Variants in PRR14L observed in about 807,000 individuals in gnomAD.
PRR14L encodes protein PRR14L.
A neutral mutation model predicts 155.0 loss-of-function variants in PRR14L; 80 were observed. The observed-to-expected ratio is 0.52, with a 90% confidence interval of 0.43 to 0.62. The LOEUF (loss-of-function observed/expected upper bound fraction) is 0.62. Among genes scored for constraint, PRR14L ranks in the 20% least tolerant of loss-of-function variants. The probability of loss-of-function intolerance (pLI) is 0.00; values close to 1 mark genes in which losing one functional copy is unlikely to be tolerated. For missense variants in PRR14L, 2,469 were observed against 2,548.0 expected (o/e 0.97, Z 0.67); for synonymous variants, 883 against 916.0 (o/e 0.96, Z 0.65).
At chr22:31,736,073 G>T (rs1365461009) in intron 2 of PRR14L, among the ~76,000 whole-genome samples, 1 of 137,902 alleles carries the variant, frequency 7.3e-6, no homozygotes, top group African/African-American at 2.8e-5. Flanking sequence ...AAAAAAATTA[G>T]CCAAGTGTGG....
intron 4 of PRR14L, among the ~76,000 whole-genome samples, chr22:31,710,531 C>A (rs894265597): frequency 6.6e-6 from 1 of 151,410 alleles, no homozygotes; most frequent in African/African-American, 2.4e-5. Context: ...CGGCTCACTG[C>A]AAGTTCTGCC....
chr22:31,709,533 GTTTTT>G (rs35320368), intron 4 of PRR14L, among the ~76,000 whole-genome samples: 9 of 88,600 alleles, frequency 1.0e-4, no homozygotes, highest in South Asian at 7.8e-4. Flanking sequence ...CGCCTGTGGG[GTTTTT>G]TTTTTTTTTT....
Position 31,685,450 on chromosome 22 carries a change from C to CAAAAAAAAAAAAAAACCCAAAAAAA in PRR14L, c.*76_*77insTTTTTTTGGGTTTTTTTTTTTTTTT. The CAAAAAAAAAAAAAAACCCAAAAAAA allele has an allele frequency of 2.7e-6, 3 of 1,105,832 alleles. No individual in the cohort carries two copies. The highest frequency in any genetic ancestry group is 2.5e-6 in the Non-Finnish European group (2 of 816,318). 68.5% of individuals were successfully genotyped at this position (1,105,832 alleles called of 1,614,324 possible). A position where few individuals can be genotyped will look rare whatever the true frequency, so the allele number is the denominator to read the frequency against. On this transcript the variant is annotated 3_prime_UTR_variant, in exon 9 of 9. Transcript: ENST00000327423. ...TTAGGCAACCTTTTCCAAGGAGGTC[C>CAAAAAAAAAAAAAAACCCAAAAAAA]AAAAAAAAAAAAAAAACCCAAAAAC...
At chr22:31,704,267 G>A (rs1359745818) in intron 5 of PRR14L, among the ~76,000 whole-genome samples, 2 of 152,164 alleles carry the variant, frequency 1.3e-5, no homozygotes, top group Non-Finnish European at 2.9e-5. Context: ...AAGGAAAAAT[G>A]TAAAAAGGAA....
chr22:31,720,070 T>C (rs1256908908), intron 3 of PRR14L, among the ~76,000 whole-genome samples: 1 of 152,130 alleles, frequency 6.6e-6, no homozygotes, highest in African/African-American at 2.4e-5. Flanking sequence ...CTTGGTTTCT[T>C]TTATTGTAAA....
At chr22:31,718,726 A>G (rs935837708) in intron 3 of PRR14L, among the ~76,000 whole-genome samples, 2 of 148,058 alleles carry the variant, frequency 1.4e-5, no homozygotes, top group African/African-American at 5.3e-5. Flanking sequence ...GATTTTATAT[A>G]TATATATAAA....
chr22:31,726,168 G>A (rs2074715610), intron 2 of PRR14L, among the ~76,000 whole-genome samples: 1 of 151,828 alleles, frequency 6.6e-6, no homozygotes, highest in Non-Finnish European at 1.5e-5. Context: ...TAGAGGCAGA[G>A]GTTGCAGTGA....
intron 2 of PRR14L, among the ~76,000 whole-genome samples, chr22:31,734,926 T>G (rs1394072864): frequency 6.6e-6 from 1 of 152,234 alleles, no homozygotes; most frequent in African/African-American, 2.4e-5. Flanking sequence ...TGGCTTTTCC[T>G]GGAACAAAGT....
Position 31,713,217 on chromosome 22 carries a change from A to C in PRR14L, c.4622T>G (p.Ile1541Arg). The C allele has an allele frequency of 6.4e-7, 1 of 1,551,766 alleles. No homozygotes were observed. Among genetic ancestry groups the C allele is most frequent in the South Asian group, 1.2e-5 (1 of 84,048 alleles). ...AAAGGCAGAACTTCTGATTTTACCT[A>C]TTTTTCTCCCAACAATGATTTGCTC... ...YQEQIIVGRK[I>R]GKIRSSAFLK... is the part of the protein sequence containing the mutation. The change falls in exon 4 of 9, where the codon ATA (isoleucine) becomes AGA (arginine). Residue 1541 changes from isoleucine to arginine, a missense_variant. Ile to Arg is a moderately conservative substitution (Grantham distance 97). Coordinates refer to ENST00000327423, the MANE Select transcript of PRR14L (RefSeq NM_173566.3).
At chr22:31,725,012 C>T (rs1320771866) in intron 3 of PRR14L, among the ~76,000 whole-genome samples, 1 of 152,142 alleles carries the variant, frequency 6.6e-6, no homozygotes, top group African/African-American at 2.4e-5. Flanking sequence ...ATACTGGGTA[C>T]ATGTCTCCCC....
intron 2 of PRR14L, 124 bp from the exon 3 acceptor site, chr22:31,725,734 T>A: frequency 1.6e-6 from 1 of 632,926 alleles, no homozygotes; most frequent in Non-Finnish European, 2.7e-6. Context: ...AATGGTTAGA[T>A]CGTGGCTCAC....
intron 7 of PRR14L, among the ~76,000 whole-genome samples, chr22:31,698,886 C>T (rs193147965): frequency 6.6e-6 from 1 of 151,234 alleles, no homozygotes; most frequent in African/African-American, 2.4e-5. Context: ...CGTGCCACTG[C>T]ACTCTAGCCT....
intron 5 of PRR14L, among the ~76,000 whole-genome samples, chr22:31,704,064 T>TG (rs1175422018): frequency 6.6e-6 from 1 of 152,212 alleles, no homozygotes; most frequent in Non-Finnish European, 1.5e-5. Flanking sequence ...CCCAAAGTGC[T>TG]GGGATTACAG....
intron 2 of PRR14L, among the ~76,000 whole-genome samples, chr22:31,737,706 C>T (rs1406121981): frequency 6.6e-6 from 1 of 151,842 alleles, no homozygotes; most frequent in Non-Finnish European, 1.5e-5. Flanking sequence ...ACCAACCTCT[C>T]TGGGTATAAT....
intron 2 of PRR14L, among the ~76,000 whole-genome samples, chr22:31,733,067 C>T (rs1363056243): frequency 6.6e-6 from 1 of 151,010 alleles, no homozygotes; most frequent in Non-Finnish European, 1.5e-5. Flanking sequence ...CGGCTCACTA[C>T]AACCCTTTCT....
At chr22:31,741,882 C>G (rs1026258769) in intron 1 of PRR14L, among the ~76,000 whole-genome samples, 1 of 152,050 alleles carries the variant, frequency 6.6e-6, no homozygotes, top group Non-Finnish European at 1.5e-5. Context: ...AAAAACAGTG[C>G]TGAGAGAAAT....
intron 4 of PRR14L, among the ~76,000 whole-genome samples, chr22:31,710,614 G>T (rs749940826): frequency 6.6e-6 from 1 of 151,916 alleles, no homozygotes. Context: ...CACTATGCCC[G>T]GCTAATTTTT....
Position 31,713,895 on chromosome 22 carries a change from T to A in PRR14L, c.3944A>T (p.His1315Leu). The change falls in exon 4 of 9, where the codon CAC (histidine) becomes CTC (leucine). Residue 1315 changes from histidine to leucine, a missense_variant. His to Leu is a moderately conservative substitution (Grantham distance 99). Transcript: ENST00000327423. ...CAAATGTCTGTCAGAGGAATTCTCG[T>A]GAGGGTGACAAGCTTTGCAAGCATT... Reference protein sequence around the residue: ...EKNACKACHPHENSSDRHLPL... With the variant: ...EKNACKACHPLENSSDRHLPL... 2 of 1,552,062 alleles carry A rather than the reference T, an allele frequency of 1.3e-6. No homozygotes were observed. The highest frequency in any genetic ancestry group is 2.4e-5 in the South Asian group (2 of 84,056).
intron 2 of PRR14L, among the ~76,000 whole-genome samples, chr22:31,737,346 T>C (rs2074787849): frequency 1.3e-5 from 2 of 151,798 alleles, no homozygotes; most frequent in African/African-American, 2.4e-5. Context: ...CCGGGCGTAA[T>C]GGTAGGTGCC....
Sources: gnomAD v4.1 joint callset for allele counts (sites outside exome capture counted in the v4.1 genomes callset) on GRCh38, gnomAD v4.1.1 for gene constraint, MANE v1.5 for transcripts, NCBI Gene and HGNC (gene_info 2026-07-23, HGNC 2026-07-21) for gene names.